Variants in MAML2 observed in about 807,000 individuals in gnomAD.
The protein encoded by MAML2 is mastermind-like protein 2.
In MAML2, 22 loss-of-function variants were observed where a neutral mutation model predicts 96.1. The observed-to-expected ratio is 0.23, with a 90% confidence interval of 0.16 to 0.33. MAML2 has a LOEUF of 0.33. Ranked by LOEUF, MAML2 falls within the 10% of genes least tolerant of loss-of-function variation. MAML2 has a pLI of 1.00. For synonymous variants in MAML2, 561 were observed against 521.3 expected (o/e 1.08, Z -1.04); for missense variants, 1,367 against 1,392.4 (o/e 0.98, Z 0.29).
intron 1 of MAML2, among the ~76,000 whole-genome samples, chr11:96,168,670 C>T (rs964149953): frequency 6.6e-6 from 1 of 152,116 alleles, no homozygotes; most frequent in Admixed American, 6.5e-5. Flanking sequence ...CATTGAGGGT[C>T]CCAGAATGAC....
chr11:96,164,928 T>C (rs1861168357), intron 1 of MAML2, among the ~76,000 whole-genome samples: 1 of 152,228 alleles, frequency 6.6e-6, no homozygotes, highest in South Asian at 2.1e-4. Flanking sequence ...TCCATAAATG[T>C]CTTAGTGGCC....
chr11:96,102,269 C>G (rs1791164397), intron 1 of MAML2, among the ~76,000 whole-genome samples: 1 of 152,178 alleles, frequency 6.6e-6, no homozygotes, highest in Non-Finnish European at 1.5e-5. Context: ...GAGAGAGACT[C>G]TGTCTCAAAA....
intron 1 of MAML2, among the ~76,000 whole-genome samples, chr11:96,136,399 T>C (rs1031170014): frequency 6.6e-6 from 1 of 152,154 alleles, no homozygotes; most frequent in African/African-American, 2.4e-5. Context: ...TTTAAAGATG[T>C]TGTTGATTAT....
intron 2 of MAML2, among the ~76,000 whole-genome samples, chr11:96,067,344 G>T (rs1859261887): frequency 6.6e-6 from 1 of 152,176 alleles, no homozygotes; most frequent in Admixed American, 6.5e-5. Flanking sequence ...CTTTCAAAAT[G>T]CCTTCTTCCG....
chr11:96,269,670 T>C (rs1298441090), intron 1 of MAML2, among the ~76,000 whole-genome samples: 3 of 143,432 alleles, frequency 2.1e-5, no homozygotes, highest in Admixed American at 1.5e-4. Flanking sequence ...GCCACTATAC[T>C]CAGCTAAGTT....
chr11:96,178,308 G>A (rs1861426790), intron 1 of MAML2, among the ~76,000 whole-genome samples: 1 of 152,154 alleles, frequency 6.6e-6, no homozygotes, highest in African/African-American at 2.4e-5. Context: ...TCACATGAGT[G>A]CCTTGTTTTT....
intron 2 of MAML2, among the ~76,000 whole-genome samples, chr11:95,996,644 T>A (rs931292599): frequency 6.6e-6 from 1 of 152,196 alleles, no homozygotes; most frequent in Non-Finnish European, 1.5e-5. Flanking sequence ...GAATTCATGA[T>A]TGAAGTAATA....
chr11:96,215,256 A>C (rs1862031649), intron 1 of MAML2, among the ~76,000 whole-genome samples: 1 of 152,190 alleles, frequency 6.6e-6, no homozygotes, highest in Non-Finnish European at 1.5e-5. Context: ...ATGCCCCTTG[A>C]AATGCTGGGG....
chr11:96,306,953 G>A (rs1445361439), intron 1 of MAML2, among the ~76,000 whole-genome samples: 1 of 152,140 alleles, frequency 6.6e-6, no homozygotes, highest in Non-Finnish European at 1.5e-5. Flanking sequence ...TTTCCAAGTT[G>A]AAATAAAGCG....
intron 3 of MAML2, among the ~76,000 whole-genome samples, chr11:95,987,840 T>A (rs1441977845): frequency 1.3e-5 from 2 of 152,224 alleles, no homozygotes; most frequent in Non-Finnish European, 2.9e-5. Flanking sequence ...TGGATTACAT[T>A]TCTTTTAAAC....
chr11:96,188,332 A>G (rs1861602872), intron 1 of MAML2, among the ~76,000 whole-genome samples: 1 of 152,222 alleles, frequency 6.6e-6, no homozygotes, highest in African/African-American at 2.4e-5. Context: ...TGAATAGAAA[A>G]TGGAAAGCCA....
At chr11:96,323,508 GCTCAGAGATAAGA>G (rs1346750301) in intron 1 of MAML2, among the ~76,000 whole-genome samples, 3 of 149,198 alleles carry the variant, frequency 2.0e-5, no homozygotes, top group African/African-American at 7.4e-5. Flanking sequence ...CCATCTGCAT[GCTCAGAGATAAGA>G]GGTTTTTGTG....
intron 2 of MAML2, among the ~76,000 whole-genome samples, chr11:96,052,286 T>G (rs1442232133): frequency 6.6e-6 from 1 of 152,172 alleles, no homozygotes; most frequent in African/African-American, 2.4e-5. Flanking sequence ...GAACACATAC[T>G]AGGAAATTTG....
chr11:96,117,342 C>T (rs1291051223), intron 1 of MAML2, among the ~76,000 whole-genome samples: 1 of 150,468 alleles, frequency 6.6e-6, no homozygotes, highest in Non-Finnish European at 1.5e-5. Context: ...GTTGCCTAGG[C>T]TGGAGTACAG....
At chr11:96,172,850 C>A (rs1245017627) in intron 1 of MAML2, among the ~76,000 whole-genome samples, 1 of 152,212 alleles carries the variant, frequency 6.6e-6, no homozygotes, top group Non-Finnish European at 1.5e-5. Context: ...ACCAGCAGAA[C>A]ACATGTGTAC....
intron 1 of MAML2, among the ~76,000 whole-genome samples, chr11:96,270,280 C>T (rs1862897402): frequency 6.6e-6 from 1 of 152,182 alleles, no homozygotes; most frequent in Non-Finnish European, 1.5e-5. Context: ...ACAAATACCA[C>T]TTCTGACACT....
intron 2 of MAML2, among the ~76,000 whole-genome samples, chr11:96,003,562 G>A (rs2135720681): frequency 6.6e-6 from 1 of 152,236 alleles, no homozygotes; most frequent in African/African-American, 2.4e-5. Flanking sequence ...TGAGTAGACA[G>A]CACTAGTGAA....
chr11:95,998,185 T>C (rs1858026860), intron 2 of MAML2, among the ~76,000 whole-genome samples: 1 of 151,434 alleles, frequency 6.6e-6, no homozygotes, highest in African/African-American at 2.4e-5. Flanking sequence ...TCTATCTATC[T>C]ATCCACCCCA....
chr11:96,132,231 T>C (rs1329383146), intron 1 of MAML2, among the ~76,000 whole-genome samples: 1 of 152,128 alleles, frequency 6.6e-6, no homozygotes, highest in Non-Finnish European at 1.5e-5. Context: ...CAAAATGAGG[T>C]GAGGCATTTG....
Sources: allele counts gnomAD v4.1 joint callset (sites outside exome capture counted in the v4.1 genomes callset), GRCh38; gene constraint gnomAD v4.1.1; transcripts MANE v1.5; gene names NCBI Gene and HGNC (gene_info 2026-07-23, HGNC 2026-07-21).